The following MCUB variants were observed in gnomAD, a reference collection of about 807,000 sequenced individuals.
The protein encoded by MCUB is calcium uniporter regulatory subunit MCUb, mitochondrial.
Under a neutral mutation model 41.4 loss-of-function variants are expected in MCUB, and 46 were observed. That is an observed-to-expected ratio of 1.11 (90% confidence interval 0.88 to 1.42). The LOEUF (loss-of-function observed/expected upper bound fraction) is 1.42, where lower values mean the gene tolerates loss of function less well. Among genes scored for constraint, MCUB ranks in the 40% most tolerant of loss-of-function variants. The probability of loss-of-function intolerance (pLI) is 0.00; values close to 1 mark genes in which losing one functional copy is unlikely to be tolerated. For missense variants in MCUB, 403 were observed against 404.9 expected (o/e 1.00, Z 0.04); for synonymous variants, 148 against 148.2 (o/e 1.00, Z 0.01).
rs2126145680 is a variant in MCUB, at chr4:109,664,315, C to T, written c.372C>T (p.Thr124=). The T allele has an allele frequency of 6.4e-7, 1 of 1,568,368 alleles. No homozygotes were observed. The highest frequency in any genetic ancestry group is 8.8e-7 in the Non-Finnish European group (1 of 1,138,686). Residue 124 remains threonine, a synonymous_variant, in exon 4 of 8, where the codon ACC becomes ACT. Transcript: ENST00000394650. ...ATGGCAACATGATTTCAGCTTCTAC[C>T]TTGATGGATATTTTGCTAATGAATG... is the stretch of plus-strand genomic sequence containing the variant. ...TADGNMISAS[T]LMDILLMNDF... is the part of the protein sequence containing the mutation.
chr4:109,622,563 A>C (rs1171963116), intron 1 of MCUB, among the ~76,000 whole-genome samples: 1 of 152,220 alleles, frequency 6.6e-6, no homozygotes, highest in Non-Finnish European at 1.5e-5. Flanking sequence ...TAGAAATGTC[A>C]GTTTGATTTA....
At chr4:109,578,895 C>T (rs1284145300) in intron 1 of MCUB, among the ~76,000 whole-genome samples, 2 of 152,156 alleles carry the variant, frequency 1.3e-5, no homozygotes, top group Non-Finnish European at 2.9e-5. Context: ...TCCTGGAGAA[C>T]AAAAATGAAC....
At chr4:109,672,766 C>G (rs1397209234) in intron 4 of MCUB, among the ~76,000 whole-genome samples, 1 of 152,136 alleles carries the variant, frequency 6.6e-6, no homozygotes, top group East Asian at 1.9e-4. Flanking sequence ...TGAAGCAGCT[C>G]CAGCTAACCA....
At chr4:109,586,013 TCTC>T (rs1202077929) in intron 1 of MCUB, among the ~76,000 whole-genome samples, 5 of 152,218 alleles carry the variant, frequency 3.3e-5, no homozygotes, top group African/African-American at 1.2e-4. Flanking sequence ...TTGGGGAAGT[TCTC>T]CTGGATAATA....
At chr4:109,609,142 A>G (rs10004265) in intron 1 of MCUB, among the ~76,000 whole-genome samples, 80,864 of 151,970 alleles carry the variant, frequency 0.53, 21,807 homozygotes, top group South Asian at 0.69. Flanking sequence ...AAGGGCTCCC[A>G]ATCCAGACCC....
intron 1 of MCUB, chr4:109,560,847 C>T (rs1261917901): frequency 1.9e-5 from 3 of 159,154 alleles, no homozygotes; most frequent in South Asian, 2.0e-4. Flanking sequence ...GTGCCCGAGC[C>T]CCTAAGGAGC....
intron 5 of MCUB, 103 bp from the exon 6 acceptor site, chr4:109,684,340 G>T (rs1294339977): frequency 1.2e-5 from 10 of 840,830 alleles, no homozygotes; most frequent in Non-Finnish European, 1.8e-5. Flanking sequence ...GAGATTACAG[G>T]CGTGAGCCAC....
At chr4:109,656,639 G>A (rs1230580841) in intron 1 of MCUB, among the ~76,000 whole-genome samples, 1 of 151,976 alleles carries the variant, frequency 6.6e-6, no homozygotes, top group Non-Finnish European at 1.5e-5. Flanking sequence ...CCAAAGTGCT[G>A]GGATTATAGG....
intron 1 of MCUB, among the ~76,000 whole-genome samples, chr4:109,641,892 G>A (rs1325638475): frequency 6.6e-6 from 1 of 152,084 alleles, no homozygotes; most frequent in Non-Finnish European, 1.5e-5. Context: ...TCCCAGTTTG[G>A]AATTACTACC....
At chr4:109,648,091 A>G (rs1728876840) in intron 1 of MCUB, among the ~76,000 whole-genome samples, 1 of 152,198 alleles carries the variant, frequency 6.6e-6, no homozygotes, top group Admixed American at 6.5e-5. Context: ...TTTTAAGGCA[A>G]TATACCCAAA....
Position 109,598,396 on chromosome 4 carries a change from C to T in MCUB, c.99+37960C>T, listed in dbSNP as rs574931342. ...TCACTCGCGGTTAGGAGCTGAAGAC[C>T]GGCCAGGCCAACACAGCGAAACCCC... is the stretch of plus-strand genomic sequence containing the variant. On this transcript the variant is annotated intron_variant, in intron 1 of 7. Transcript: ENST00000394650. 5.9e-5 allele frequency among the ~76,000 whole-genome samples: 9 copies of T among 152,284 alleles called. No homozygotes were observed. The South Asian group carries it at 6.2e-4, about 11-fold the overall frequency.
intron 1 of MCUB, among the ~76,000 whole-genome samples, chr4:109,613,003 G>A (rs1205504432): frequency 6.6e-6 from 1 of 152,064 alleles, no homozygotes; most frequent in African/African-American, 2.4e-5. Context: ...CTACTCGCGA[G>A]GCTGAAGCAG....
At chr4:109,570,080 T>A (rs1441494785) in intron 1 of MCUB, among the ~76,000 whole-genome samples, 1 of 152,210 alleles carries the variant, frequency 6.6e-6, no homozygotes, top group East Asian at 1.9e-4. Flanking sequence ...ATCTTTGACA[T>A]CACTACTTCC....
chr4:109,581,477 G>A (rs943403820), intron 1 of MCUB, among the ~76,000 whole-genome samples: 83 of 152,268 alleles, frequency 5.5e-4, no homozygotes, highest in Non-Finnish European at 1.0e-3. Flanking sequence ...CATGGGCAAG[G>A]ACTTCATGTC....
At chr4:109,684,230 T>A (rs1408709000) in intron 5 of MCUB, among the ~76,000 whole-genome samples, 1 of 151,880 alleles carries the variant, frequency 6.6e-6, no homozygotes, top group Non-Finnish European at 1.5e-5. Flanking sequence ...GCCCGGCTAA[T>A]TTTTTGTATT....
At chr4:109,667,591 A>T in intron 4 of MCUB, among the ~76,000 whole-genome samples, 1 of 147,242 alleles carries the variant, frequency 6.8e-6, no homozygotes, top group Non-Finnish European at 1.5e-5. Flanking sequence ...ATTGGTTTCT[A>T]CTCTATGTTT....
At chr4:109,580,864 G>A (rs993472125) in intron 1 of MCUB, among the ~76,000 whole-genome samples, 1 of 152,162 alleles carries the variant, frequency 6.6e-6, no homozygotes, top group Admixed American at 6.6e-5. Flanking sequence ...TTGCTGTGCA[G>A]AAGCTCTTTA....
chr4:109,655,979 C>T (rs1289149433), intron 1 of MCUB, among the ~76,000 whole-genome samples: 1 of 152,144 alleles, frequency 6.6e-6, no homozygotes, highest in African/African-American at 2.4e-5. Flanking sequence ...GAAAGCCCTG[C>T]TGTTTTTCTC....
chr4:109,603,883 G>T lies in MCUB; in HGVS notation c.99+43447G>T, dbSNP rs547113723. Among the ~76,000 whole-genome samples the T allele has an allele frequency of 3.6e-3, 550 of 152,376 alleles. 6 individuals are homozygous for T. The highest frequency in any genetic ancestry group is 6.5e-3 in the Non-Finnish European group (445 of 68,034). ...GCCCGGCCGCCACCCCGTCTGGGAG[G>T]TGTACCCAACAGCTCATTGAGAACG... On this transcript the variant is annotated intron_variant, in intron 1 of 7. Transcript: ENST00000394650.
Sources: allele counts gnomAD v4.1 joint callset (sites outside exome capture counted in the v4.1 genomes callset), GRCh38; gene constraint gnomAD v4.1.1; transcripts MANE v1.5; gene names NCBI Gene and HGNC (gene_info 2026-07-23, HGNC 2026-07-21).